The following HIP1 variants were observed in gnomAD, a reference collection of about 807,000 sequenced individuals.
HIP1 encodes huntingtin-interacting protein 1.
Under a neutral mutation model 147.6 loss-of-function variants are expected in HIP1, and 65 were observed. The observed-to-expected ratio is 0.44, with a 90% confidence interval of 0.36 to 0.54. The LOEUF (loss-of-function observed/expected upper bound fraction) is 0.54, where lower values mean the gene tolerates loss of function less well. HIP1 is among the 20% of genes least tolerant of loss of function. The pLI is 0.00. For synonymous variants in HIP1, 479 were observed against 504.0 expected (o/e 0.95, Z 0.67); for missense variants, 1,061 against 1,299.6 (o/e 0.82, Z 2.82).
chr7:75,676,141 T>C (rs1362160312), intron 1 of HIP1, among the ~76,000 whole-genome samples: 1 of 152,240 alleles, frequency 6.6e-6, no homozygotes, highest in African/African-American at 2.4e-5. Context: ...GTTTGTTTAG[T>C]GACTTTCCTC....
At chr7:75,691,640 AAC>A (rs1173680850) in intron 1 of HIP1, among the ~76,000 whole-genome samples, 1 of 151,752 alleles carries the variant, frequency 6.6e-6, no homozygotes, top group African/African-American at 2.4e-5. Context: ...CTCTACTAAA[AAC>A]ACAAAAAATT....
At chr7:75,708,917 T>C (rs1368757837) in intron 1 of HIP1, among the ~76,000 whole-genome samples, 3 of 152,112 alleles carry the variant, frequency 2.0e-5, no homozygotes, top group South Asian at 2.1e-4. Context: ...TTGATAGAGA[T>C]TGCAATAAAT....
At chr7:75,663,359 G>A (rs1431500573) in intron 1 of HIP1, among the ~76,000 whole-genome samples, 1 of 152,128 alleles carries the variant, frequency 6.6e-6, no homozygotes, top group Non-Finnish European at 1.5e-5. Context: ...AGCTACTCAG[G>A]AGGCTGAGGT....
At chr7:75,645,175 CAA>C (rs1798763057) in intron 1 of HIP1, among the ~76,000 whole-genome samples, 1 of 152,082 alleles carries the variant, frequency 6.6e-6, no homozygotes, top group Non-Finnish European at 1.5e-5. Context: ...GGCACTATGA[CAA>C]GCACTTTACA....
intron 1 of HIP1, among the ~76,000 whole-genome samples, chr7:75,701,588 G>A (rs1800836154): frequency 6.6e-6 from 1 of 152,028 alleles, no homozygotes; most frequent in Admixed American, 6.6e-5. Context: ...GGTGGAGCAT[G>A]CCTGTAGTCC....
At chr7:75,595,187 C>CCTTTCCTT (rs1796645228) in intron 2 of HIP1, among the ~76,000 whole-genome samples, 1 of 108,474 alleles carries the variant, frequency 9.2e-6, no homozygotes, top group South Asian at 3.2e-4. Context: ...GTGTAGGAGT[C>CCTTTCCTT]CTTTCTTTCT....
intron 23 of HIP1, among the ~76,000 whole-genome samples, chr7:75,548,416 C>G (rs2116767305): frequency 6.6e-6 from 1 of 152,152 alleles, no homozygotes; most frequent in Admixed American, 6.5e-5. Context: ...TGAGGACCTT[C>G]TCATTTTCTA....
In HIP1 at chr7:75,544,675, G is replaced by A; in HGVS notation, c.2766+20C>T. On this transcript the variant is annotated intron_variant, in intron 27 of 30. Transcript: ENST00000336926. The stretch of plus-strand genomic sequence containing the variant: ...CTAACCAGGCCTTCCAGCGTCCTAG[G>A]AGGTCCAGCCAGGTCCTACCTTGGA... 1 of 1,477,238 alleles carries A rather than the reference G, an allele frequency of 6.8e-7. No homozygotes were observed. Among genetic ancestry groups the A allele is most frequent in the Middle Eastern group, 1.7e-4 (1 of 5,800 alleles). The allele number at this position is 1,477,238 out of a possible 1,614,324, so 91.5% of individuals were successfully genotyped here.
chr7:75,557,405 A>C lies in HIP1; in HGVS notation c.1581+249T>G, dbSNP rs1366960072. ...GCCACCCATGTGTTTTCCTTTCCTCAAACTCTCCACCAGCCTCATCCTTGG... is the reference window on the plus strand; with the variant it reads ...GCCACCCATGTGTTTTCCTTTCCTCCAACTCTCCACCAGCCTCATCCTTGG... On this transcript the variant is annotated intron_variant, in intron 16 of 30. Coordinates refer to ENST00000336926, the MANE Select transcript of HIP1 (RefSeq NM_005338.7). Among the ~76,000 whole-genome samples the C allele has an allele frequency of 2.0e-5, 3 of 151,868 alleles. No individual in the cohort carries two copies. In the East Asian group the frequency reaches 5.8e-4, roughly 29 times the overall value.
intron 1 of HIP1, among the ~76,000 whole-genome samples, chr7:75,727,232 G>A (rs112153955): frequency 0.041 from 6,263 of 151,972 alleles, 142 homozygotes; most frequent in Middle Eastern, 0.068. Context: ...CTCCTAGGCC[G>A]AGTAGCTGGG....
intron 14 of HIP1, 23 bp downstream of exon 14, chr7:75,559,703 GCCCGCC>G: frequency 5.0e-6 from 6 of 1,195,102 alleles, no homozygotes; most frequent in South Asian, 1.4e-5. Flanking sequence ...TGCCCCCGGG[GCCCGCC>G]CCCGCCCCCA....
At chr7:75,660,793 C>A (rs1394690490) in intron 1 of HIP1, among the ~76,000 whole-genome samples, 3 of 152,078 alleles carry the variant, frequency 2.0e-5, no homozygotes, top group Non-Finnish European at 4.4e-5. Flanking sequence ...TGACAAAAAA[C>A]CAACAATACC....
intron 1 of HIP1, among the ~76,000 whole-genome samples, chr7:75,655,990 G>A (rs529656860): frequency 9.4e-4 from 143 of 151,750 alleles, no homozygotes; most frequent in Admixed American, 3.4e-3. Context: ...GTGGTGGTGC[G>A]TGCCTGTGGT....
At chr7:75,722,635 C>T (rs1395213686) in intron 1 of HIP1, among the ~76,000 whole-genome samples, 1 of 152,288 alleles carries the variant, frequency 6.6e-6, no homozygotes, top group East Asian at 1.9e-4. Flanking sequence ...ATTTACTTCC[C>T]GTTCCATTTC....
chr7:75,637,597 G>A (rs563594767), intron 1 of HIP1, among the ~76,000 whole-genome samples: 2 of 126,660 alleles, frequency 1.6e-5, no homozygotes, highest in Admixed American at 1.0e-4. Context: ...CAAAGAAAGC[G>A]AGATTTCATG....
intron 1 of HIP1, among the ~76,000 whole-genome samples, chr7:75,631,794 G>A (rs1798230372): frequency 6.6e-6 from 1 of 152,082 alleles, no homozygotes; most frequent in African/African-American, 2.4e-5. Flanking sequence ...GTTTGAACTG[G>A]GACCTCTCTG....
rs948844682 is a variant in HIP1, at chr7:75,544,927, C to T, written c.2661-127G>A. 3 of 747,424 alleles carry T rather than the reference C, an allele frequency of 4.0e-6. No individual in the cohort carries two copies. The African/African-American group carries it at 5.2e-5, about 13-fold the overall frequency. The allele number at this position is 747,424 out of a possible 1,614,324, so 46.3% of individuals were successfully genotyped here. A position where few individuals can be genotyped will look rare whatever the true frequency, so the allele number is the denominator to read the frequency against. On this transcript the variant is annotated intron_variant, in intron 26 of 30. Transcript: ENST00000336926. Reference sequence around the variant, plus strand: ...AGGGGAGGCTGCCTGCCCTGTGTCCCCTGGGAGAGCCAGGCTCCCTTGTAA... The same window carrying T: ...AGGGGAGGCTGCCTGCCCTGTGTCCTCTGGGAGAGCCAGGCTCCCTTGTAA...
intron 1 of HIP1, among the ~76,000 whole-genome samples, chr7:75,655,929 A>G (rs886519659): frequency 3.9e-5 from 6 of 152,098 alleles, no homozygotes; most frequent in Non-Finnish European, 8.8e-5. Context: ...AGCCTGGCCA[A>G]CTTGGTGAAA....
chr7:75,680,774 T>A (rs558838102), intron 1 of HIP1, among the ~76,000 whole-genome samples: 241 of 151,912 alleles, frequency 1.6e-3, no homozygotes, highest in Non-Finnish European at 1.0e-4. Flanking sequence ...CACGCCCGGC[T>A]AAATTTTTGT....
Sources: allele counts gnomAD v4.1 joint callset (sites outside exome capture counted in the v4.1 genomes callset), GRCh38; gene constraint gnomAD v4.1.1; transcripts MANE v1.5; gene names NCBI Gene and HGNC (gene_info 2026-07-23, HGNC 2026-07-21).